The following PTPRR variants were observed in gnomAD, a reference collection of about 807,000 sequenced individuals.
The protein encoded by PTPRR is protein tyrosine phosphatase receptor type R, also known as receptor-type tyrosine-protein phosphatase R.
In PTPRR, 38 loss-of-function variants were observed where a neutral mutation model predicts 77.2. The ratio of observed to expected loss-of-function variants is 0.49; its 90% CI spans 0.38 to 0.65. PTPRR has a LOEUF of 0.65. Among genes scored for constraint, PTPRR ranks in the 30% least tolerant of loss-of-function variants. The pLI, the probability that PTPRR is intolerant of heterozygous loss-of-function variation, is 0.00. For missense variants in PTPRR, 744 were observed against 799.2 expected (o/e 0.93, Z 0.83); for synonymous variants, 299 against 283.1 (o/e 1.06, Z -0.57).
chr12:70,765,539 C>T (rs1406972170), intron 2 of PTPRR, among the ~76,000 whole-genome samples: 1 of 152,206 alleles, frequency 6.6e-6, no homozygotes, highest in African/African-American at 2.4e-5. Flanking sequence ...CACCACAGCT[C>T]AAGGAGGCCT....
intron 10 of PTPRR, among the ~76,000 whole-genome samples, chr12:70,680,360 C>G (rs1353324336): frequency 6.6e-6 from 1 of 152,142 alleles, no homozygotes; most frequent in Non-Finnish European, 1.5e-5. Context: ...ATGGTCAACT[C>G]TTTTAATTTT....
At chr12:70,683,476 G>C (rs528121926) in intron 10 of PTPRR, among the ~76,000 whole-genome samples, 1 of 152,270 alleles carries the variant, frequency 6.6e-6, no homozygotes, top group East Asian at 1.9e-4. Flanking sequence ...TATTGAGAAA[G>C]TTGATTGGTT....
Position 70,821,213 on chromosome 12 carries a change from C to CTTTTTTTTTTTTTTTTTTTTT in PTPRR, c.358-56456_358-56436dup, listed in dbSNP as rs61539990. On this transcript the variant is annotated intron_variant, in intron 2 of 13. Transcript: ENST00000283228. ...CAAAACATGTTGAAAGGGATCACTG[C>CTTTTTTTTTTTTTTTTTTTTT]TTTTTTTTTTTTTTTTTTTTTTTTT... Among the ~76,000 whole-genome samples, 251 of 31,992 alleles carry CTTTTTTTTTTTTTTTTTTTTT rather than the reference C, an allele frequency of 7.8e-3. 65 individuals carry two copies. Among genetic ancestry groups the CTTTTTTTTTTTTTTTTTTTTT allele is most frequent in the East Asian group, 0.018 (8 of 438 alleles). 21.0% of individuals were successfully genotyped at this position (31,992 alleles called of 152,430 possible).
At chr12:70,760,427 C>T (rs184889477) in intron 4 of PTPRR, among the ~76,000 whole-genome samples, 8 of 152,212 alleles carry the variant, frequency 5.3e-5, no homozygotes, top group Non-Finnish European at 1.2e-4. Context: ...GCTTTTTATA[C>T]CACACCTGTG....
Position 70,732,200 on chromosome 12 carries a change from C to T in PTPRR, c.1007+13618G>A, listed in dbSNP as rs147194350. Among the ~76,000 whole-genome samples, 467 of 152,280 alleles carry T rather than the reference C, an allele frequency of 3.1e-3. 1 individual carries two copies. Among genetic ancestry groups the T allele is most frequent in the African/African-American group, 0.01 (432 of 41,558 alleles). ...CCTTTAGTACTTCATCATTTTTACT[C>T]TTATTTTTGATTAAGGTGGGTTTAA... On this transcript the variant is annotated intron_variant, in intron 6 of 13. Coordinates refer to ENST00000283228, the MANE Select transcript of PTPRR (RefSeq NM_002849.4).
intron 2 of PTPRR, among the ~76,000 whole-genome samples, chr12:70,793,965 ATTTT>A (rs971631078): frequency 2.6e-5 from 4 of 152,098 alleles, no homozygotes; most frequent in Admixed American, 6.5e-5. Context: ...TATATTTCTT[ATTTT>A]TATCTTTTAA....
In PTPRR at chr12:70,680,513, T is replaced by A. The variant is rs543821479; in HGVS notation, c.1497+3614A>T. On this transcript the variant is annotated intron_variant, in intron 10 of 13. Coordinates refer to ENST00000283228, the MANE Select transcript of PTPRR (RefSeq NM_002849.4). Reference sequence around the variant, plus strand: ...TTTAAGCTGTAGTCAACTTTATTGATAACCTCTGAAGGCCTTGGTGTGGCT... The same window carrying A: ...TTTAAGCTGTAGTCAACTTTATTGAAAACCTCTGAAGGCCTTGGTGTGGCT... Among the ~76,000 whole-genome samples the A allele has an allele frequency of 2.7e-4, 41 of 152,314 alleles. 1 individual carries two copies. In the South Asian group the frequency reaches 8.5e-3, roughly 32 times the overall value.
At chr12:70,808,203 C>G (rs924918947) in intron 2 of PTPRR, among the ~76,000 whole-genome samples, 1 of 152,092 alleles carries the variant, frequency 6.6e-6, no homozygotes, top group Non-Finnish European at 1.5e-5. Flanking sequence ...GAAATTCCAG[C>G]CTGGCAAATT....
At chr12:70,735,610 T>G (rs1474211833) in intron 6 of PTPRR, among the ~76,000 whole-genome samples, 1 of 152,136 alleles carries the variant, frequency 6.6e-6, no homozygotes, top group Non-Finnish European at 1.5e-5. Flanking sequence ...AGATTAAAAT[T>G]TTGTCATCTG....
chr12:70,722,375 C>T (rs1254349589), intron 6 of PTPRR, among the ~76,000 whole-genome samples: 1 of 152,182 alleles, frequency 6.6e-6, no homozygotes, highest in African/African-American at 2.4e-5. Flanking sequence ...CTCATGATCT[C>T]TCCTGTCACT....
At chr12:70,699,650 G>A (rs1210017552) in intron 7 of PTPRR, among the ~76,000 whole-genome samples, 1 of 152,074 alleles carries the variant, frequency 6.6e-6, no homozygotes, top group African/African-American at 2.4e-5. Flanking sequence ...TCCTTTACCT[G>A]CATTATGCTA....
intron 2 of PTPRR, among the ~76,000 whole-genome samples, chr12:70,770,032 A>T (rs1234298575): frequency 6.6e-6 from 1 of 151,984 alleles, no homozygotes; most frequent in Non-Finnish European, 1.5e-5. Flanking sequence ...AGACTTAAAC[A>T]TTAGACCTAA....
rs181975231 is a variant in PTPRR, at chr12:70,797,585, A to C, written c.358-32807T>G. Among the ~76,000 whole-genome samples, 319 of 152,224 alleles carry C rather than the reference A, an allele frequency of 2.1e-3. 6 individuals carry two copies. Among genetic ancestry groups the C allele is most frequent in the Admixed American group, 0.02 (304 of 15,284 alleles). On this transcript the variant is annotated intron_variant, in intron 2 of 13. Transcript: ENST00000283228. ...TGCTCTTCAATCACTCTCATCTGACATTATCTCAACAATGGAAAGAAACCA... is the reference window on the plus strand; with the variant it reads ...TGCTCTTCAATCACTCTCATCTGACCTTATCTCAACAATGGAAAGAAACCA...
chr12:70,653,094 A>G (rs117575618), intron 13 of PTPRR, among the ~76,000 whole-genome samples: 4,711 of 152,224 alleles, frequency 0.031, 99 homozygotes, highest in Non-Finnish European at 0.046. Flanking sequence ...GCACTAAACA[A>G]GAACACAGGA....
At chr12:70,806,860 T>C (rs536171126) in intron 2 of PTPRR, among the ~76,000 whole-genome samples, 3 of 152,194 alleles carry the variant, frequency 2.0e-5, no homozygotes, top group Non-Finnish European at 4.4e-5. Flanking sequence ...TTTGATTTAG[T>C]TGTTCTATGT....
chr12:70,720,620 T>C (rs7304603), intron 6 of PTPRR, among the ~76,000 whole-genome samples: 70,913 of 151,164 alleles, frequency 0.47, 17,970 homozygotes, highest in Non-Finnish European at 0.55. Context: ...CAAGCGATTC[T>C]CCTGCCTCAG....
At chr12:70,832,502 G>A (rs1892231523) in intron 2 of PTPRR, among the ~76,000 whole-genome samples, 1 of 152,190 alleles carries the variant, frequency 6.6e-6, no homozygotes, top group Admixed American at 6.5e-5. Flanking sequence ...ATGTGATAGG[G>A]TGGTGAGTGC....
At chr12:70,786,374 G>A (rs191736944) in intron 2 of PTPRR, among the ~76,000 whole-genome samples, 3 of 152,170 alleles carry the variant, frequency 2.0e-5, no homozygotes, top group Non-Finnish European at 4.4e-5. Flanking sequence ...GTCATAAACT[G>A]ATACTTTCCT....
In PTPRR at chr12:70,706,035, G is replaced by GA. The variant is rs5798999; in HGVS notation, c.1008-4713dup. Among the ~76,000 whole-genome samples the GA allele has an allele frequency of 4.4e-3, 643 of 147,766 alleles. 4 individuals carry two copies. The highest frequency in any genetic ancestry group is 0.014 in the African/African-American group (560 of 40,186). Reference sequence around the variant, plus strand: ...ACTCTACTTAAACAGAATGAAAAAGGAAAAAAAAAACAAGTTTTTGCTCAT... The same window carrying GA: ...ACTCTACTTAAACAGAATGAAAAAGGAAAAAAAAAAACAAGTTTTTGCTCAT... On this transcript the variant is annotated intron_variant, in intron 6 of 13. Transcript: ENST00000283228.
Sources: gnomAD v4.1 joint callset for allele counts (sites outside exome capture counted in the v4.1 genomes callset) on GRCh38, gnomAD v4.1.1 for gene constraint, MANE v1.5 for transcripts, NCBI Gene and HGNC (gene_info 2026-07-23, HGNC 2026-07-21) for gene names.